The following HPGD variants were observed in gnomAD, a reference collection of about 807,000 sequenced individuals.
HPGD encodes the protein 15-hydroxyprostaglandin dehydrogenase, also known as 15-hydroxyprostaglandin dehydrogenase [NAD(+)].
In HPGD, 29 loss-of-function variants were observed where a neutral mutation model predicts 30.0. The ratio of observed to expected loss-of-function variants is 0.97; its 90% CI spans 0.72 to 1.32. The LOEUF is 1.32. HPGD is among the 40% of genes most tolerant of loss of function. The pLI is 0.00. For synonymous variants in HPGD, 99 were observed against 112.4 expected (o/e 0.88, Z 0.75); for missense variants, 340 against 322.1 (o/e 1.06, Z -0.43).
At position 174,492,978 on chromosome 4, in the gene HPGD, T is replaced by C. The variant is rs1734411564; in HGVS notation, c.662+173A>G. On this transcript the variant is annotated intron_variant, in intron 6 of 6. Transcript: ENST00000296522. This position sits in a 1 kb window ranked among gnomAD's most constrained non-coding sequence, Gnocchi z 4.9. The stretch of plus-strand genomic sequence containing the variant: ...AACATTCATAATGTATAAACTTACA[T>C]TCTATTTATAAACCCAGAAAAATAT... Among the ~76,000 whole-genome samples, 1 of 152,118 alleles carries C rather than the reference T, an allele frequency of 6.6e-6. No homozygotes were observed. Among genetic ancestry groups the C allele is most frequent in the African/African-American group, 2.4e-5 (1 of 41,438 alleles).
chr4:174,499,728 T>C (rs1236083904), intron 4 of HPGD, among the ~76,000 whole-genome samples: 1 of 152,212 alleles, frequency 6.6e-6, no homozygotes. Flanking sequence ...CATGCTTTCC[T>C]TGAAACATTT....
chr4:174,497,568 C>CCTTT (rs1560976894), intron 4 of HPGD, among the ~76,000 whole-genome samples: 1 of 51,114 alleles, frequency 2.0e-5, no homozygotes, highest in Non-Finnish European at 4.1e-5. Flanking sequence ...CTTTTTCTTT[C>CCTTT]TTTTTTTTTT....
At position 174,493,689 on chromosome 4, in the gene HPGD, A is replaced by C. The variant is rs529498788; in HGVS notation, c.499-375T>G. 2.6e-4 allele frequency among the ~76,000 whole-genome samples: 40 copies of C among 152,326 alleles called. 1 individual carries two copies. In the South Asian group the frequency reaches 8.3e-3, roughly 32 times the overall value. On this transcript the variant is annotated intron_variant, in intron 5 of 6. Transcript: ENST00000296522. ...GTATAACAAATAATACTTAATTAAA[A>C]AGACTTTTAGTGAAAATGTTTAGAA...
chr4:174,511,874 C>G (rs990651795), intron 3 of HPGD, among the ~76,000 whole-genome samples: 2 of 152,146 alleles, frequency 1.3e-5, no homozygotes, highest in Non-Finnish European at 2.9e-5. Context: ...TCTCAATCTC[C>G]TGACCTTGTG....
At chr4:174,504,616 T>G (rs1735085892) in intron 4 of HPGD, among the ~76,000 whole-genome samples, 1 of 150,766 alleles carries the variant, frequency 6.6e-6, no homozygotes, top group African/African-American at 2.5e-5. Context: ...GATACCAGCC[T>G]GGCTAGCATG....
intron 4 of HPGD, among the ~76,000 whole-genome samples, chr4:174,499,643 A>G (rs1734807904): frequency 6.6e-6 from 1 of 152,112 alleles, no homozygotes; most frequent in Non-Finnish European, 1.5e-5. Flanking sequence ...GAGGCTGCCA[A>G]TGAGCAATGG....
At chr4:174,519,568 A>G (rs891371817) in intron 2 of HPGD, among the ~76,000 whole-genome samples, 2 of 152,090 alleles carry the variant, frequency 1.3e-5, no homozygotes, top group Non-Finnish European at 2.9e-5. Flanking sequence ...TTAACTGATG[A>G]CATTCCACCA....
intron 3 of HPGD, among the ~76,000 whole-genome samples, chr4:174,510,826 A>G (rs977555873): frequency 1.3e-5 from 2 of 152,126 alleles, no homozygotes; most frequent in Non-Finnish European, 2.9e-5. Flanking sequence ...GTGTCTATAT[A>G]TTATATATTT....
chr4:174,516,316 A>G (rs1293465908), intron 3 of HPGD, among the ~76,000 whole-genome samples: 2 of 151,876 alleles, frequency 1.3e-5, no homozygotes, highest in Non-Finnish European at 2.9e-5. Context: ...CCCATAAAAA[A>G]GGAAATCATG....
chr4:174,495,940 A>G lies in HPGD; in HGVS notation c.422-316T>C, dbSNP rs1734576393. 9.6e-6 allele frequency: 3 copies of G among 311,754 alleles called. No homozygotes were observed. In the East Asian group the frequency reaches 2.2e-4, roughly 23 times the overall value. 19.3% of individuals were successfully genotyped at this position (311,754 alleles called of 1,614,324 possible). A position where few individuals can be genotyped will look rare whatever the true frequency, so the allele number is the denominator to read the frequency against. ...TAAATGGTATCTAAAACACAAAGAA[A>G]ATCATCTTTAAAGTCAGTAAATTAC... On this transcript the variant is annotated intron_variant, in intron 4 of 6. Transcript: ENST00000296522.
chr4:174,492,188 C>T lies in HPGD; in HGVS notation c.663-94G>A. 5 of 1,174,114 alleles carry T rather than the reference C, an allele frequency of 4.3e-6. No homozygotes were observed. The highest frequency in any genetic ancestry group is 6.3e-6 in the Non-Finnish European group (5 of 792,784). The allele number at this position is 1,174,114 out of a possible 1,614,324, so 72.7% of individuals were successfully genotyped here. A position where few individuals can be genotyped will look rare whatever the true frequency, so the allele number is the denominator to read the frequency against. ...TTTCTGAAGAATCTATTAAGTTGAA[C>T]ATGTTATAGGGAAATGTGTGTCATT... On this transcript the variant is annotated intron_variant, in intron 6 of 6. Coordinates refer to ENST00000296522, the MANE Select transcript of HPGD (RefSeq NM_000860.6). The surrounding 1 kb of genome is among the most constrained non-coding windows in gnomAD (Gnocchi z 4.9).
chr4:174,508,856 C>T, intron 3 of HPGD, 64 bp from the exon 4 acceptor site: 1 of 900,224 alleles, frequency 1.1e-6, no homozygotes, highest in Non-Finnish European at 1.9e-6. Context: ...TTTTCACACA[C>T]CAAAGTTTTT....
chr4:174,495,899 G>A, intron 4 of HPGD: 1 of 411,222 alleles, frequency 2.4e-6, no homozygotes, highest in Non-Finnish European at 4.5e-6. Flanking sequence ...CAGGCCTTCT[G>A]GAAAGTCAAG....
chr4:174,497,628 A>G (rs13118007), intron 4 of HPGD, among the ~76,000 whole-genome samples: 25,527 of 124,904 alleles, frequency 0.2, 2,941 homozygotes, highest in East Asian at 0.53. Flanking sequence ...AACAGACTGG[A>G]GTGCAGTGGC....
intron 4 of HPGD, among the ~76,000 whole-genome samples, chr4:174,500,301 T>C (rs1734839638): frequency 6.6e-6 from 1 of 152,224 alleles, no homozygotes; most frequent in Non-Finnish European, 1.5e-5. Flanking sequence ...CTCCAATTCA[T>C]TGCTGGTGCG....
At chr4:174,497,495 T>C (rs1362995386) in intron 4 of HPGD, among the ~76,000 whole-genome samples, 1 of 151,624 alleles carries the variant, frequency 6.6e-6, no homozygotes, top group Non-Finnish European at 1.5e-5. Context: ...AACATTCTAA[T>C]CACATTTTCA....
intron 5 of HPGD, among the ~76,000 whole-genome samples, chr4:174,493,951 G>C (rs1172601331): frequency 6.6e-6 from 1 of 152,106 alleles, no homozygotes; most frequent in Non-Finnish European, 1.5e-5. Context: ...AGTTATTTGT[G>C]GACATGCACA....
chr4:174,499,762 C>T (rs927124518), intron 4 of HPGD, among the ~76,000 whole-genome samples: 1 of 152,202 alleles, frequency 6.6e-6, no homozygotes, highest in Non-Finnish European at 1.5e-5. Context: ...GGTCTCCTAT[C>T]TCACATTCAC....
rs1325550793 is a variant in HPGD at position 174,496,974 on chromosome 4, AAGTTTGTC to A, written c.422-1358_422-1351del. ...GTTAAGTAAAATGTGTAAGTTAATTAAGTTTGTCAGTGTCAGTCAACAAGAATTTATGA... is the reference window on the plus strand; with the variant it reads ...GTTAAGTAAAATGTGTAAGTTAATTAAGTGTCAGTCAACAAGAATTTATGA... On this transcript the variant is annotated intron_variant, in intron 4 of 6. Coordinates refer to ENST00000296522, the MANE Select transcript of HPGD (RefSeq NM_000860.6). This position sits in a 1 kb window ranked among gnomAD's most constrained non-coding sequence, Gnocchi z 4.6. Among the ~76,000 whole-genome samples, 1 of 152,340 alleles carries A rather than the reference AAGTTTGTC, an allele frequency of 6.6e-6. No individual in the cohort carries two copies. The highest frequency in any genetic ancestry group is 1.9e-4 in the East Asian group (1 of 5,192).
Sources: allele counts gnomAD v4.1 joint callset (sites outside exome capture counted in the v4.1 genomes callset), GRCh38; gene constraint gnomAD v4.1.1; non-coding constraint Gnocchi (gnomAD v3.1); transcripts MANE v1.5; gene names NCBI Gene and HGNC (gene_info 2026-07-23, HGNC 2026-07-21).